SCN8A: variants seen among roughly 807,000 people sequenced by gnomAD.
SCN8A encodes sodium voltage-gated channel alpha subunit 8, also known as sodium channel protein type 8 subunit alpha.
In SCN8A, 30 loss-of-function variants were observed where a neutral mutation model predicts 184.1. The ratio of observed to expected loss-of-function variants is 0.16; its 90% CI spans 0.12 to 0.22. SCN8A has a LOEUF of 0.22. SCN8A is among the 10% of genes least tolerant of loss of function. SCN8A has a pLI of 1.00. For missense variants in SCN8A, 1,057 were observed against 2,498.9 expected, an observed-to-expected ratio of 0.42 and a Z score of 12.30; for synonymous variants, 852 against 907.0, an observed-to-expected ratio of 0.94 and a Z score of 1.09.
chr12:51,760,447 G>A (rs938377827), intron 14 of SCN8A, among the ~76,000 whole-genome samples: 3 of 152,184 alleles, frequency 2.0e-5, no homozygotes, highest in Non-Finnish European at 2.9e-5. Context: ...CTATGTCATT[G>A]TTGATTTCCC....
chr12:51,767,623 CA>C (rs34806534), intron 16 of SCN8A, among the ~76,000 whole-genome samples: 1 of 152,080 alleles, frequency 6.6e-6, no homozygotes, highest in South Asian at 2.1e-4. Context: ...GTTTCACTCA[CA>C]AAAAAAGGCC....
intron 10 of SCN8A, 109 bp downstream of exon 10, chr12:51,705,732 G>A (rs535390226): frequency 1.0e-6 from 1 of 980,114 alleles, no homozygotes; most frequent in East Asian, 2.6e-5. Context: ...TCAAATAGAG[G>A]CCATTGGTCT....
rs191788264 is a variant in SCN8A, at chr12:51,680,185, A to C, written c.277-3989A>C. On this transcript the variant is annotated intron_variant, in intron 2 of 26. Coordinates refer to ENST00000627620, the MANE Select transcript of SCN8A (RefSeq NM_001330260.2). ...GATGTTTATTTTTGTTAACAGAAAA[A>C]CTGTTTTTATACTTGATGAAGATAT... 6.5e-4 allele frequency among the ~76,000 whole-genome samples: 99 copies of C among 152,268 alleles called. 1 individual carries two copies. Among genetic ancestry groups the C allele is most frequent in the African/African-American group, 2.2e-3 (92 of 41,548 alleles).
chr12:51,631,779 G>A (rs1940201321), intron 1 of SCN8A, among the ~76,000 whole-genome samples: 1 of 152,224 alleles, frequency 6.6e-6, no homozygotes, highest in Non-Finnish European at 1.5e-5. Flanking sequence ...AGCCAGCCCA[G>A]TGCTGAGTCA....
chr12:51,729,579 TC>T (rs1204607530), intron 12 of SCN8A, among the ~76,000 whole-genome samples: 1 of 152,114 alleles, frequency 6.6e-6, no homozygotes, highest in African/African-American at 2.4e-5. Context: ...CGATAGATGT[TC>T]CGGTTGCTTC....
chr12:51,611,645 C>T lies in SCN8A; in HGVS notation c.-55+20286C>T, dbSNP rs1253789180. On this transcript the variant is annotated intron_variant, in intron 1 of 26. Coordinates refer to ENST00000627620, the MANE Select transcript of SCN8A (RefSeq NM_001330260.2). ...CCCAAGTAGCTGGGATTACATGCAT[C>T]CCTATGCCTGGCTAATTTTTGTATT... 2.6e-5 allele frequency among the ~76,000 whole-genome samples: 4 copies of T among 151,950 alleles called. No individual in the cohort carries two copies. In the East Asian group the frequency reaches 5.8e-4, roughly 22 times the overall value.
At chr12:51,735,613 T>C (rs1942311676) in intron 12 of SCN8A, among the ~76,000 whole-genome samples, 1 of 152,212 alleles carries the variant, frequency 6.6e-6, no homozygotes, top group Non-Finnish European at 1.5e-5. Flanking sequence ...GTTGTCCCGC[T>C]TTCCTCAGGT....
chr12:51,759,503 G>A (rs933257292), intron 14 of SCN8A, among the ~76,000 whole-genome samples: 2 of 152,170 alleles, frequency 1.3e-5, no homozygotes, highest in African/African-American at 2.4e-5. Context: ...AGAACAGTAT[G>A]CAATTTAAAA....
At chr12:51,689,989 A>T (rs1255174072) in intron 6 of SCN8A, 6 of 150,218 alleles carry the variant, frequency 4.0e-5, no homozygotes, top group Non-Finnish European at 5.9e-5. Flanking sequence ...AAGTTCACAG[A>T]CCCCCCCCGA....
intron 11 of SCN8A, among the ~76,000 whole-genome samples, chr12:51,721,118 ATTGT>A (rs1243338201): frequency 0.013 from 1,372 of 102,502 alleles, 22 homozygotes; most frequent in Non-Finnish European, 0.019. Context: ...ATATTTATTT[ATTGT>A]TATATATATA....
intron 1 of SCN8A, among the ~76,000 whole-genome samples, chr12:51,608,471 G>T (rs759618668): frequency 2.6e-5 from 4 of 152,004 alleles, no homozygotes; most frequent in African/African-American, 9.7e-5. Context: ...AGCTAGGAGG[G>T]TTGTATTTTT....
In SCN8A at chr12:51,735,934, G is replaced by A. The variant is rs1271705555; in HGVS notation, c.1999-9969G>A. 3.3e-5 allele frequency among the ~76,000 whole-genome samples: 5 copies of A among 152,270 alleles called. No individual in the cohort carries two copies. In the East Asian group the frequency reaches 9.7e-4, roughly 29 times the overall value. ...ATTGGCTCTGTCCACCAAATCAGTT[G>A]TTCTGTTTCTGTCTTTGCAGCTGGT... On this transcript the variant is annotated intron_variant, in intron 12 of 26. Transcript: ENST00000627620.
chr12:51,798,727 A>G (rs1387239357), intron 26 of SCN8A, among the ~76,000 whole-genome samples: 1 of 152,226 alleles, frequency 6.6e-6, no homozygotes, highest in African/African-American at 2.4e-5. Context: ...CCACCTGATT[A>G]TTAAAAGCCT....
At chr12:51,678,839 A>G (rs1224883019) in intron 2 of SCN8A, among the ~76,000 whole-genome samples, 1 of 152,190 alleles carries the variant, frequency 6.6e-6, no homozygotes, top group Non-Finnish European at 1.5e-5. Context: ...GCACTTTGGG[A>G]GGCTGAGGCA....
In SCN8A at chr12:51,696,422, A is replaced by G. The variant is rs1039888650; in HGVS notation, c.707-3148A>G. The stretch of plus-strand genomic sequence containing the variant: ...GGACTTCTCTGTTCCTTAGCAACTA[A>G]ATGAAAATAAATTCCATTACACTGG... On this transcript the variant is annotated intron_variant, in intron 6 of 26. Transcript: ENST00000627620. 2.6e-5 allele frequency among the ~76,000 whole-genome samples: 4 copies of G among 152,216 alleles called. No individual in the cohort carries two copies. The East Asian group carries it at 7.7e-4, about 29-fold the overall frequency.
At chr12:51,712,487 C>T (rs1463434871) in intron 11 of SCN8A, 2 of 769,252 alleles carry the variant, frequency 2.6e-6, no homozygotes, top group East Asian at 2.4e-5. Context: ...ACTATATCCA[C>T]CACTTCCACC....
chr12:51,630,572 T>C (rs1200705836), intron 1 of SCN8A, among the ~76,000 whole-genome samples: 1 of 152,088 alleles, frequency 6.6e-6, no homozygotes, highest in African/African-American at 2.4e-5. Flanking sequence ...GCTGTGGCAT[T>C]TTGTTTCATT....
intron 22 of SCN8A, among the ~76,000 whole-genome samples, chr12:51,787,583 T>C (rs1371006068): frequency 2.6e-5 from 4 of 152,250 alleles, no homozygotes; most frequent in African/African-American, 9.6e-5. Context: ...TAATGACACT[T>C]TGCATGGTTG....
Position 51,807,624 on chromosome 12 carries a change from C to T in SCN8A, c.*195C>T. The T allele has an allele frequency of 1.6e-6, 1 of 623,920 alleles. No individual in the cohort carries two copies. The highest frequency in any genetic ancestry group is 2.0e-5 in the South Asian group (1 of 49,486). The allele number at this position is 623,920 out of a possible 1,614,324, so 38.6% of individuals were successfully genotyped here. On this transcript the variant is annotated 3_prime_UTR_variant, in exon 27 of 27. Transcript: ENST00000627620. This position sits in a 1 kb window ranked among gnomAD's most constrained non-coding sequence, Gnocchi z 4.5. The stretch of plus-strand genomic sequence containing the variant: ...CTGCCAAGGGCAAAGGACCCCGCTC[C>T]CTAGACTTACAGATTTTCTAATGCT...
Sources: gnomAD v4.1 joint callset for allele counts (sites outside exome capture counted in the v4.1 genomes callset) on GRCh38, gnomAD v4.1.1 for gene constraint, Gnocchi (gnomAD v3.1) non-coding constraint, MANE v1.5 for transcripts, NCBI Gene and HGNC (gene_info 2026-07-23, HGNC 2026-07-21) for gene names.